The following SEZ6L variants were observed in gnomAD, a reference collection of about 807,000 sequenced individuals.
The protein encoded by SEZ6L is seizure 6-like protein.
A neutral mutation model predicts 106.2 loss-of-function variants in SEZ6L; 37 were observed. The observed-to-expected ratio is 0.35, with a 90% CI of 0.27 to 0.46. The LOEUF is 0.46. Ranked by LOEUF, SEZ6L falls within the 20% of genes least tolerant of loss-of-function variation. The pLI is 1.00. For missense variants in SEZ6L, 1,172 were observed against 1,332.8 expected (o/e 0.88, Z 1.88); for synonymous variants, 541 against 570.4 (o/e 0.95, Z 0.73).
At position 26,383,495 on chromosome 22, in the gene SEZ6L, C is replaced by T. The variant is rs1307413144; in HGVS notation, c.*3200C>T. On this transcript the variant is annotated 3_prime_UTR_variant, in exon 17 of 17. Coordinates refer to ENST00000248933, the MANE Select transcript of SEZ6L (RefSeq NM_021115.5). ...GAAATTTTCATTTCCATTTTATCGC[C>T]AAACAAAATAAAAAGCAAAACAAAC... The T allele has an allele frequency of 6.6e-6, 1 of 152,058 alleles. No individual in the cohort carries two copies. The highest frequency in any genetic ancestry group is 6.6e-5 in the Admixed American group (1 of 15,250). The allele number at this position is 152,058 out of a possible 1,614,324, so 9.4% of individuals were successfully genotyped here. A position where few individuals can be genotyped will look rare whatever the true frequency, so the allele number is the denominator to read the frequency against.
intron 6 of SEZ6L, 141 bp downstream of exon 6, chr22:26,306,285 C>T: frequency 1.1e-6 from 1 of 912,600 alleles, no homozygotes; most frequent in South Asian, 1.8e-5. Context: ...TGGCAAAGAT[C>T]TTAGACACCA....
rs142124200 is a variant in SEZ6L, at chr22:26,214,966, C to T, written c.94+45203C>T. On this transcript the variant is annotated intron_variant, in intron 1 of 16. Transcript: ENST00000248933. ...AAAAAATGCTCAATGTGATTTAGTA[C>T]GTATTCATTGGGCAGGCACTAAGTA... Among the ~76,000 whole-genome samples, 10 of 152,110 alleles carry T rather than the reference C, an allele frequency of 6.6e-5. No homozygotes were observed. In the East Asian group the frequency reaches 1.5e-3, roughly 23 times the overall value.
intron 1 of SEZ6L, among the ~76,000 whole-genome samples, chr22:26,213,585 T>G (rs1018207646): frequency 3.3e-5 from 5 of 152,188 alleles, no homozygotes; most frequent in African/African-American, 1.2e-4. Context: ...TTACTTTTAT[T>G]TATTTTCTTC....
At chr22:26,259,429 G>T (rs2079927635) in intron 1 of SEZ6L, among the ~76,000 whole-genome samples, 1 of 152,192 alleles carries the variant, frequency 6.6e-6, no homozygotes, top group Non-Finnish European at 1.5e-5. Flanking sequence ...CAGCTGGAAG[G>T]CTACTCTGCT....
chr22:26,269,707 C>T (rs2080302103), intron 1 of SEZ6L, among the ~76,000 whole-genome samples: 1 of 152,186 alleles, frequency 6.6e-6, no homozygotes, highest in South Asian at 2.1e-4. Flanking sequence ...GCTAATAAAG[C>T]GTGTTATCCT....
intron 14 of SEZ6L, 69 bp from the exon 15 acceptor site, chr22:26,375,506 T>C: frequency 1.8e-5 from 23 of 1,274,088 alleles, no homozygotes; most frequent in Non-Finnish European, 2.5e-5. Flanking sequence ...GGTGGAGAAC[T>C]GGGCAGTTGG....
At chr22:26,219,025 T>C (rs1178085185) in intron 1 of SEZ6L, among the ~76,000 whole-genome samples, 1 of 152,162 alleles carries the variant, frequency 6.6e-6, no homozygotes, top group African/African-American at 2.4e-5. Context: ...GTCATAGGCT[T>C]TTCCTTTCTA....
chr22:26,310,839 G>T lies in SEZ6L; in HGVS notation c.1681+3G>T, dbSNP rs767237666. The T allele has an allele frequency of 6.2e-7, 1 of 1,613,562 alleles. No homozygotes were observed. Among genetic ancestry groups the T allele is most frequent in the Non-Finnish European group, 8.5e-7 (1 of 1,179,892 alleles). On this transcript the variant is annotated splice_donor_region_variant and intron_variant, in intron 7 of 16. Transcript: ENST00000248933. The stretch of plus-strand genomic sequence containing the variant: ...CACCTTCAACATCCGATTTGAAGGT[G>T]AGGGTCCCTGGGAGCTTCCCTTTCT...
intron 5 of SEZ6L, 53 bp from the exon 6 acceptor site, chr22:26,305,922 CCTCT>C (rs2031507001): frequency 5.5e-6 from 8 of 1,451,876 alleles, no homozygotes; most frequent in African/African-American, 2.8e-5. Context: ...CTGTCTCTCT[CCTCT>C]CTCTCTCCCT....
chr22:26,194,346 A>G lies in SEZ6L; in HGVS notation c.94+24583A>G, dbSNP rs376599647. Among the ~76,000 whole-genome samples the G allele has an allele frequency of 2.4e-4, 37 of 152,322 alleles. No homozygotes were observed. The East Asian group carries it at 5.8e-3, about 24-fold the overall frequency. On this transcript the variant is annotated intron_variant, in intron 1 of 16. Transcript: ENST00000248933. ...TGCAGTGGGATGCAAATGGAAGACA[A>G]TGGTATTGTCTAGCATGATTATCCT...
intron 1 of SEZ6L, among the ~76,000 whole-genome samples, chr22:26,270,107 C>A (rs2080315724): frequency 6.6e-6 from 1 of 152,170 alleles, no homozygotes; most frequent in Admixed American, 6.5e-5. Flanking sequence ...CAATTTCATT[C>A]TTCTGAACCT....
intron 1 of SEZ6L, among the ~76,000 whole-genome samples, chr22:26,238,015 A>G (rs573945511): frequency 2.0e-5 from 3 of 152,212 alleles, no homozygotes; most frequent in Non-Finnish European, 4.4e-5. Context: ...ATTGTTGATA[A>G]AGGAGCTGTG....
chr22:26,365,649 T>TA lies in SEZ6L; in HGVS notation c.2794+89dup, dbSNP rs546293565. 6.9e-4 allele frequency: 909 copies of TA among 1,320,816 alleles called. 6 individuals are homozygous for TA. In the African/African-American group the frequency reaches 0.012, roughly 17 times the overall value. The allele number at this position is 1,320,816 out of a possible 1,614,324, so 81.8% of individuals were successfully genotyped here. A position where few individuals can be genotyped will look rare whatever the true frequency, so the allele number is the denominator to read the frequency against. ...GCTCACAGGAGTTCTGAACTTGCTCTAAAAAATTGGACTAGGAGTTCGAGA... is the reference window on the plus strand; with the variant it reads ...GCTCACAGGAGTTCTGAACTTGCTCTAAAAAAATTGGACTAGGAGTTCGAGA... On this transcript the variant is annotated intron_variant, in intron 13 of 16. Coordinates refer to ENST00000248933, the MANE Select transcript of SEZ6L (RefSeq NM_021115.5).
chr22:26,354,387 G>C (rs952931696), intron 12 of SEZ6L, among the ~76,000 whole-genome samples: 2 of 152,068 alleles, frequency 1.3e-5, no homozygotes, highest in African/African-American at 2.4e-5. Flanking sequence ...ACGAAGGAAG[G>C]ACCCCCCCCA....
rs557394435 is a variant in SEZ6L at position 26,292,659 on chromosome 22, G to T, written c.348G>T (p.Lys116Asn). Reference protein sequence around the residue: ...EARPKHALPPKKKLPSLKQVN... With the variant: ...EARPKHALPPNKKLPSLKQVN... ...GCCCCAAGCACGCCTTGCCCCCCAAGAAGAAACTGCCTTCGCTCAAGCAGG... is the reference window on the plus strand; with the variant it reads ...GCCCCAAGCACGCCTTGCCCCCCAATAAGAAACTGCCTTCGCTCAAGCAGG... The change falls in exon 2 of 17, where the codon AAG (lysine) becomes AAT (asparagine). Residue 116 changes from lysine to asparagine, a missense_variant. By Grantham distance (94) the Lys-to-Asn change is moderately conservative (BLOSUM62 0). Around this residue, in one of 4 missense-constraint regions of SEZ6L, gnomAD observed 494 missense variants for 445.8 expected, o/e 1.11. Coordinates refer to ENST00000248933, the MANE Select transcript of SEZ6L (RefSeq NM_021115.5). The T allele has an allele frequency of 1.9e-6, 3 of 1,613,370 alleles. No homozygotes were observed. The highest frequency in any genetic ancestry group is 3.3e-5 in the Admixed American group (2 of 60,000).
At chr22:26,377,408 A>G (rs887435490) in intron 15 of SEZ6L, among the ~76,000 whole-genome samples, 2 of 152,188 alleles carry the variant, frequency 1.3e-5, no homozygotes, top group African/African-American at 4.8e-5. Flanking sequence ...TTCCAGGAGA[A>G]AACAAATTAA....
chr22:26,219,181 G>A (rs572161131), intron 1 of SEZ6L, among the ~76,000 whole-genome samples: 2 of 151,420 alleles, frequency 1.3e-5, no homozygotes, highest in Admixed American at 6.6e-5. Context: ...CTCACAGGGC[G>A]GCTGTAATGT....
At chr22:26,265,763 G>A (rs1006562245) in intron 1 of SEZ6L, among the ~76,000 whole-genome samples, 12 of 152,166 alleles carry the variant, frequency 7.9e-5, no homozygotes, top group Non-Finnish European at 1.8e-4. Flanking sequence ...CTTCTTAAGG[G>A]CTTGGGTTTG....
At chr22:26,317,229 C>T (rs192971902) in intron 9 of SEZ6L, among the ~76,000 whole-genome samples, 2 of 152,196 alleles carry the variant, frequency 1.3e-5, no homozygotes, top group East Asian at 3.9e-4. Flanking sequence ...TTCTGTGTCG[C>T]CCCCTTGTCC....
Sources: allele counts gnomAD v4.1 joint callset (sites outside exome capture counted in the v4.1 genomes callset), GRCh38; gene constraint gnomAD v4.1.1; regional missense constraint gnomAD v4.1.1; transcripts MANE v1.5; gene names NCBI Gene and HGNC (gene_info 2026-07-23, HGNC 2026-07-21).